The following PIAS3 variants were observed in gnomAD, a reference collection of about 807,000 sequenced individuals.
The protein encoded by PIAS3 is E3 SUMO-protein ligase PIAS3.
PIAS3 carries 34 observed loss-of-function variants against 67.6 expected under a neutral mutation model. That is an observed-to-expected ratio of 0.50 (90% CI 0.38 to 0.67). The LOEUF is 0.67. Among genes scored for constraint, PIAS3 ranks in the 30% least tolerant of loss-of-function variants. PIAS3 has a pLI of 0.00. For synonymous variants in PIAS3, 341 were observed against 313.8 expected, an observed-to-expected ratio of 1.09 and a Z score of -0.92; for missense variants, 693 against 791.6, an observed-to-expected ratio of 0.88 and a Z score of 1.49.
intron 11 of PIAS3, 22 bp from the exon 12 acceptor site, chr1:145,850,608 G>A (rs1652917600): frequency 6.2e-6 from 10 of 1,610,746 alleles, no homozygotes; most frequent in Non-Finnish European, 8.5e-6. Context: ...GAGGAGCTGA[G>A]GCAGCCAGCA....
chr1:145,854,208 G>C (rs886593651), intron 7 of PIAS3: 13 of 596,040 alleles, frequency 2.2e-5, no homozygotes, highest in Non-Finnish European at 3.0e-5. Flanking sequence ...CCATATTCTA[G>C]CAGGGCTGGA....
At chr1:145,856,323 G>T in intron 3 of PIAS3, 24 bp downstream of exon 3, 1 of 1,585,998 alleles carries the variant, frequency 6.3e-7, no homozygotes, top group Non-Finnish European at 8.7e-7. Flanking sequence ...CAGGGATGAG[G>T]CAGGAAGACT....
At position 145,856,720 on chromosome 1, in the gene PIAS3, C is replaced by A; in HGVS notation, c.311G>T (p.Gly104Val). 1 of 1,613,440 alleles carries A rather than the reference C, an allele frequency of 6.2e-7. No homozygotes were observed. Among genetic ancestry groups the A allele is most frequent in the South Asian group, 1.1e-5 (1 of 91,078 alleles). ...APIPPTLLAP[G>V]TLLGPKREVD... Reference sequence around the variant, plus strand: ...CTCACGCTTGGGGCCCAGCAGGGTGCCAGGGGCCAACAGCGTTGGGGGAAT... The same window carrying A: ...CTCACGCTTGGGGCCCAGCAGGGTGACAGGGGCCAACAGCGTTGGGGGAAT... Residue 104 changes from glycine (G) to valine (V), a missense_variant, in exon 2 of 14, where the codon GGC becomes GTC. Gly to Val is a moderately radical substitution (Grantham distance 109). Coordinates refer to ENST00000393045, the MANE Select transcript of PIAS3 (RefSeq NM_006099.3).
intron 7 of PIAS3, 131 bp from the exon 8 acceptor site, chr1:145,854,017 G>A (rs1481293343): frequency 1.6e-5 from 11 of 703,120 alleles, no homozygotes; most frequent in East Asian, 2.7e-5. Context: ...CCAGTGGGAC[G>A]TCACATGGAA....
intron 1 of PIAS3, among the ~76,000 whole-genome samples, chr1:145,858,266 T>C (rs1553735998): frequency 1.3e-5 from 2 of 152,074 alleles, no homozygotes; most frequent in African/African-American, 4.8e-5. Flanking sequence ...TTTCTCCCCA[T>C]CCTTATCTCC....
At chr1:145,855,087 G>A (rs1653113370) in intron 5 of PIAS3, among the ~76,000 whole-genome samples, 1 of 152,222 alleles carries the variant, frequency 6.6e-6, no homozygotes, top group African/African-American at 2.4e-5. Context: ...CTCCTGGGGA[G>A]AAAGGAGAGC....
rs1470788044 is a variant in PIAS3, at chr1:145,848,614, C to T, written c.*832G>A. 13 of 678,588 alleles carry T rather than the reference C, an allele frequency of 1.9e-5. No individual in the cohort carries two copies. The highest frequency in any genetic ancestry group is 3.2e-5 in the Non-Finnish European group (13 of 402,272). 42.0% of individuals were successfully genotyped at this position (678,588 alleles called of 1,614,324 possible). A position where few individuals can be genotyped will look rare whatever the true frequency, so the allele number is the denominator to read the frequency against. Reference sequence around the variant, plus strand: ...AACATAGGTCCTAGGCCTTGGCGAGCCTGAAAAAGAAGATTGGGAAGGAGG... The same window carrying T: ...AACATAGGTCCTAGGCCTTGGCGAGTCTGAAAAAGAAGATTGGGAAGGAGG... On this transcript the variant is annotated 3_prime_UTR_variant, in exon 14 of 14. Coordinates refer to ENST00000393045, the MANE Select transcript of PIAS3 (RefSeq NM_006099.3).
chr1:145,855,749 A>G lies in PIAS3; in HGVS notation c.656T>C (p.Leu219Pro), dbSNP rs897537483. 4 of 1,590,004 alleles carry G rather than the reference A, an allele frequency of 2.5e-6. No individual in the cohort carries two copies. In the African/African-American group the frequency reaches 5.4e-5, roughly 21 times the overall value. Residue 219 changes from leucine (L) to proline (P), a missense_variant, in exon 5 of 14, where the codon CTG becomes CCG. Physicochemically the swap from Leu to Pro is moderately conservative, Grantham distance 98. Transcript: ENST00000393045. ...PNLFVKVNGK[L>P]CPLPGYLPPT... is the part of the protein sequence containing the mutation. ...GAGAGCATTTACCGGCAGGGGGCAC[A>G]GTTTCCCATTGACCTTGACAAAGAG...
At position 145,859,053 on chromosome 1, in the gene PIAS3, T is replaced by C; in HGVS notation, c.-63A>G. The C allele has an allele frequency of 1.3e-6, 2 of 1,498,202 alleles. No individual in the cohort carries two copies. Among genetic ancestry groups the C allele is most frequent in the East Asian group, 2.7e-5 (1 of 36,888 alleles). 92.8% of individuals were successfully genotyped at this position (1,498,202 alleles called of 1,614,324 possible). On this transcript the variant is annotated 5_prime_UTR_variant, in exon 1 of 14. Transcript: ENST00000393045. ...TCAGGCCCAGGGACCGGCGCACAAC[T>C]CTCCACCCTGGCGCCGGCCGCAAAT...
chr1:145,858,074 C>CA (rs1325045995), intron 1 of PIAS3, among the ~76,000 whole-genome samples: 2 of 152,148 alleles, frequency 1.3e-5, no homozygotes, highest in African/African-American at 4.8e-5. Flanking sequence ...GAGATGTCCT[C>CA]AGATGTGGTC....
At chr1:145,858,392 T>G (rs939461919) in intron 1 of PIAS3, among the ~76,000 whole-genome samples, 1 of 152,040 alleles carries the variant, frequency 6.6e-6, no homozygotes, top group Non-Finnish European at 1.5e-5. Flanking sequence ...GGCAGGACCT[T>G]CCTCTGAGCC....
chr1:145,859,011 C>G lies in PIAS3; in HGVS notation c.-21G>C, dbSNP rs782665826. 4 of 1,543,478 alleles carry G rather than the reference C, an allele frequency of 2.6e-6. No individual in the cohort carries two copies. In the African/African-American group the frequency reaches 5.6e-5, roughly 22 times the overall value. The stretch of plus-strand genomic sequence containing the variant: ...GCCATCTTGAGACATCGCAGGCGCC[C>G]CAGCCGGAGCCGGAGCTCAGGCCCA... On this transcript the variant is annotated 5_prime_UTR_variant, in exon 1 of 14. Coordinates refer to ENST00000393045, the MANE Select transcript of PIAS3 (RefSeq NM_006099.3).
Position 145,850,792 on chromosome 1 carries a change from G to A in PIAS3, c.1427C>T (p.Pro476Leu), listed in dbSNP as rs782312627. The A allele has an allele frequency of 2.4e-5, 38 of 1,614,072 alleles. No homozygotes were observed. The highest frequency in any genetic ancestry group is 2.2e-4 in the Admixed American group (13 of 60,006). Residue 476 changes from proline to leucine, a missense_variant, in exon 11 of 14, where the codon CCG becomes CTG. Coordinates refer to ENST00000393045, the MANE Select transcript of PIAS3 (RefSeq NM_006099.3). ...KHCSVTSAAI[P>L]ALPGSKGVLT... ...ATACCCTTTGCTTCCAGGTAGGGCC[G>A]GGATGGCAGCTGAGGTGACAGAACA...
chr1:145,854,232 A>C, intron 7 of PIAS3: 1 of 600,774 alleles, frequency 1.7e-6, no homozygotes, highest in Non-Finnish European at 3.0e-6. Flanking sequence ...AGGGACTGTG[A>C]GGTGCAAAGC....
intron 7 of PIAS3, 29 bp from the exon 8 acceptor site, chr1:145,853,915 G>A: frequency 1.2e-6 from 2 of 1,601,848 alleles, no homozygotes; most frequent in Non-Finnish European, 1.7e-6. Context: ...CAGAGCCATG[G>A]GGTCAGCAAG....
At chr1:145,849,841 G>A (rs587756583) in intron 13 of PIAS3, 129 bp from the exon 14 acceptor site, 7 of 1,479,882 alleles carry the variant, frequency 4.7e-6, no homozygotes, top group African/African-American at 2.8e-5. Flanking sequence ...TTGAGAAGCA[G>A]GAGAGCCTCT....
chr1:145,857,319 G>A (rs1394965279), intron 1 of PIAS3: 9 of 409,066 alleles, frequency 2.2e-5, no homozygotes, highest in South Asian at 8.6e-5. Flanking sequence ...ACACACCTCC[G>A]AGTCCATGCA....
intron 5 of PIAS3, 80 bp from the exon 6 acceptor site, chr1:145,854,960 C>T (rs199756395): frequency 1.1e-4 from 169 of 1,542,042 alleles, no homozygotes; most frequent in Non-Finnish European, 1.5e-4. Context: ...TATCTTGTCT[C>T]GGGTTATTCA....
At chr1:145,856,005 C>T in intron 4 of PIAS3, 63 bp downstream of exon 4, 3 of 1,316,174 alleles carry the variant, frequency 2.3e-6, no homozygotes, top group Non-Finnish European at 3.3e-6. Flanking sequence ...GGGTATCTGT[C>T]ATACCCCTAC....
Sources: gnomAD v4.1 joint callset for allele counts (sites outside exome capture counted in the v4.1 genomes callset) on GRCh38, gnomAD v4.1.1 for gene constraint, MANE v1.5 for transcripts, NCBI Gene and HGNC (gene_info 2026-07-23, HGNC 2026-07-21) for gene names.